WDFY3: variants seen among roughly 807,000 people sequenced by gnomAD.
WDFY3 encodes WD repeat and FYVE domain containing 3.
A neutral mutation model predicts 409.6 loss-of-function variants in WDFY3; 66 were observed. The observed-to-expected ratio is 0.16, with a 90% CI of 0.13 to 0.20. The LOEUF (loss-of-function observed/expected upper bound fraction) is 0.20. WDFY3 is among the 10% of genes least tolerant of loss of function. The probability of loss-of-function intolerance (pLI) is 1.00; values close to 1 mark genes in which losing one functional copy is unlikely to be tolerated. For missense variants in WDFY3, 3,031 were observed against 4,298.1 expected, an observed-to-expected ratio of 0.71 and a Z score of 8.24; for synonymous variants, 1,521 against 1,537.1, an observed-to-expected ratio of 0.99 and a Z score of 0.25.
intron 24 of WDFY3, 77 bp downstream of exon 24, chr4:84,785,899 TGAG>T (rs2149514539): frequency 5.3e-6 from 8 of 1,495,500 alleles, no homozygotes; most frequent in African/African-American, 2.8e-5. Flanking sequence ...CACTCATAAT[TGAG>T]TAGTATCCAT....
At chr4:84,707,540 C>A (rs115756200) in intron 53 of WDFY3, among the ~76,000 whole-genome samples, 1 of 152,176 alleles carries the variant, frequency 6.6e-6, no homozygotes, top group Non-Finnish European at 1.5e-5. Context: ...AGAATTGCAT[C>A]GGGAGAATGT....
At chr4:84,801,285 T>C (rs1240474676) in intron 17 of WDFY3, among the ~76,000 whole-genome samples, 1 of 152,206 alleles carries the variant, frequency 6.6e-6, no homozygotes, top group Non-Finnish European at 1.5e-5. Flanking sequence ...TGGATCTATA[T>C]TCACAACTTA....
chr4:84,842,063 T>C (rs1466785652), intron 5 of WDFY3, among the ~76,000 whole-genome samples: 1 of 152,196 alleles, frequency 6.6e-6, no homozygotes, highest in Non-Finnish European at 1.5e-5. Context: ...ATTTAGTTGA[T>C]TATATTTCTT....
chr4:84,778,418 T>A, intron 27 of WDFY3, 85 bp downstream of exon 27: 1 of 1,267,656 alleles, frequency 7.9e-7, no homozygotes, highest in Non-Finnish European at 1.1e-6. Context: ...TTTAAACACA[T>A]TTTAGAGATA....
chr4:84,907,298 T>A (rs1182559077), intron 2 of WDFY3, among the ~76,000 whole-genome samples: 1 of 152,160 alleles, frequency 6.6e-6, no homozygotes, highest in Non-Finnish European at 1.5e-5. Context: ...ATGGAGGAAG[T>A]GACTATGTGT....
rs760838918 is a variant in WDFY3, at chr4:84,860,362, T to C, written c.180+50A>G. ...GGCTTACCAGTAACCTTCAGATTCT[T>C]GTAGTGCCCCCCAGTCCCGGAAGGT... On this transcript the variant is annotated intron_variant, in intron 4 of 67. Transcript: ENST00000295888. The C allele has an allele frequency of 5.8e-6, 9 of 1,548,656 alleles. No homozygotes were observed. The Admixed American group carries it at 9.1e-5, about 16-fold the overall frequency.
chr4:84,871,020 GA>G (rs974800582), intron 3 of WDFY3, among the ~76,000 whole-genome samples: 5 of 152,076 alleles, frequency 3.3e-5, no homozygotes, highest in Non-Finnish European at 5.9e-5. Context: ...GAAACTTCTA[GA>G]AAGAGAAGGG....
At chr4:84,816,285 G>A (rs968174067) in intron 13 of WDFY3, among the ~76,000 whole-genome samples, 1 of 152,108 alleles carries the variant, frequency 6.6e-6, no homozygotes, top group East Asian at 1.9e-4. Flanking sequence ...AGAAAGAGAA[G>A]GCTATGTCTC....
intron 35 of WDFY3, 40 bp from the exon 36 acceptor site, chr4:84,751,756 ACT>A: frequency 6.2e-7 from 1 of 1,601,472 alleles, no homozygotes. Context: ...ATCACATTAG[ACT>A]CTGACATTTT....
At chr4:84,746,307 A>C (rs2149263491) in intron 36 of WDFY3, among the ~76,000 whole-genome samples, 1 of 152,172 alleles carries the variant, frequency 6.6e-6, no homozygotes, top group African/African-American at 2.4e-5. Flanking sequence ...ACAGACCAAG[A>C]TCCTGTCTTA....
intron 61 of WDFY3, among the ~76,000 whole-genome samples, chr4:84,688,549 G>A (rs1261796414): frequency 5.3e-5 from 8 of 152,166 alleles, no homozygotes; most frequent in Admixed American, 5.2e-4. Context: ...TTAGAAGGAA[G>A]AGGGAATGAC....
At chr4:84,829,599 G>A (rs1755366354) in intron 8 of WDFY3, among the ~76,000 whole-genome samples, 1 of 152,006 alleles carries the variant, frequency 6.6e-6, no homozygotes, top group Non-Finnish European at 1.5e-5. Flanking sequence ...CTTTAAGTTA[G>A]AGAGAATATA....
chr4:84,726,430 GA>G (rs1183766378), intron 45 of WDFY3, among the ~76,000 whole-genome samples: 1 of 151,816 alleles, frequency 6.6e-6, no homozygotes, highest in Non-Finnish European at 1.5e-5. Context: ...CGTTCTGATT[GA>G]AAAAAATAAT....
Position 84,761,125 on chromosome 4 carries a change from T to A in WDFY3, c.5189-3964A>T, listed in dbSNP as rs373178203. ...ATGTAGTTGAGCGGTTTTGAGTGAG[T>A]TTCTTAATCCTGAGTTCTAGTTTGA... On this transcript the variant is annotated intron_variant, in intron 32 of 67. Coordinates refer to ENST00000295888, the MANE Select transcript of WDFY3 (RefSeq NM_014991.6). Among the ~76,000 whole-genome samples, 610 of 152,112 alleles carry A rather than the reference T, an allele frequency of 4.0e-3. 2 individuals carry two copies. The highest frequency in any genetic ancestry group is 0.013 in the African/African-American group (529 of 41,444).
At chr4:84,769,798 A>G (rs1744337696) in intron 30 of WDFY3, among the ~76,000 whole-genome samples, 1 of 152,120 alleles carries the variant, frequency 6.6e-6, no homozygotes, top group African/African-American at 2.4e-5. Flanking sequence ...ATACATGTGT[A>G]CCATATGTAA....
At chr4:84,686,009 A>T (rs933588472) in intron 62 of WDFY3, among the ~76,000 whole-genome samples, 2 of 152,322 alleles carry the variant, frequency 1.3e-5, no homozygotes, top group Non-Finnish European at 2.9e-5. Flanking sequence ...TGCAGGACCA[A>T]CCCAAGGTGT....
intron 49 of WDFY3, among the ~76,000 whole-genome samples, chr4:84,716,547 A>G (rs531080374): frequency 6.6e-6 from 1 of 151,748 alleles, no homozygotes; most frequent in East Asian, 2.0e-4. Context: ...CTGTAATCCC[A>G]GCACTTTGGG....
At chr4:84,698,311 G>T (rs1020255808) in intron 56 of WDFY3, among the ~76,000 whole-genome samples, 1 of 150,120 alleles carries the variant, frequency 6.7e-6, no homozygotes, top group African/African-American at 2.5e-5. Flanking sequence ...TTGAGACAGG[G>T]TCTTGCTCTG....
intron 30 of WDFY3, among the ~76,000 whole-genome samples, chr4:84,772,411 C>G (rs1251284056): frequency 6.6e-6 from 1 of 151,968 alleles, no homozygotes; most frequent in Non-Finnish European, 1.5e-5. Context: ...TGTTATTTTT[C>G]TCAGTGACTA....
Sources: allele counts gnomAD v4.1 joint callset (sites outside exome capture counted in the v4.1 genomes callset), GRCh38; gene constraint gnomAD v4.1.1; transcripts MANE v1.5; gene names NCBI Gene and HGNC (gene_info 2026-07-23, HGNC 2026-07-21).